The following CFAP61 variants were observed in gnomAD, a reference collection of about 807,000 sequenced individuals.
CFAP61 encodes the protein cilia- and flagella-associated protein 61.
In CFAP61, 107 loss-of-function variants were observed where a neutral mutation model predicts 135.6. The ratio of observed to expected loss-of-function variants is 0.79; its 90% CI spans 0.67 to 0.93. The LOEUF is 0.93. CFAP61 is among the 40% of genes least tolerant of loss of function. The pLI is 0.00. For missense variants in CFAP61, 1,507 were observed against 1,556.2 expected (o/e 0.97, Z 0.53); for synonymous variants, 575 against 578.5 (o/e 0.99, Z 0.09).
intron 25 of CFAP61, among the ~76,000 whole-genome samples, chr20:20,303,029 T>C (rs1377106508): frequency 6.6e-6 from 1 of 152,228 alleles, no homozygotes; most frequent in Non-Finnish European, 1.5e-5. Flanking sequence ...TTTTAAATAA[T>C]GAAAACTGCA....
At chr20:20,241,847 G>A (rs960754354) in intron 18 of CFAP61, among the ~76,000 whole-genome samples, 12 of 152,214 alleles carry the variant, frequency 7.9e-5, no homozygotes, top group African/African-American at 2.2e-4. Context: ...CAAGTAATCA[G>A]TGTGTACTTG....
intron 15 of CFAP61, among the ~76,000 whole-genome samples, chr20:20,192,517 C>G (rs2146877793): frequency 6.6e-6 from 1 of 152,198 alleles, no homozygotes; most frequent in African/African-American, 2.4e-5. Context: ...TTCAAGGCAG[C>G]CTCTTCATGA....
chr20:20,324,252 A>G (rs1050142158), intron 25 of CFAP61, among the ~76,000 whole-genome samples: 18 of 152,172 alleles, frequency 1.2e-4, no homozygotes, highest in African/African-American at 4.3e-4. Context: ...CTGTTAAAAA[A>G]AAATTACCAC....
At chr20:20,189,015 C>G (rs2055715214) in intron 14 of CFAP61, among the ~76,000 whole-genome samples, 1 of 152,152 alleles carries the variant, frequency 6.6e-6, no homozygotes, top group South Asian at 2.1e-4. Context: ...TAAGAGTCAT[C>G]CATATTATAG....
intron 17 of CFAP61, among the ~76,000 whole-genome samples, chr20:20,207,661 C>T (rs2146908664): frequency 6.6e-6 from 1 of 152,280 alleles, no homozygotes; most frequent in Middle Eastern, 3.4e-3. Flanking sequence ...ACAAAGAGGA[C>T]AATTAGAGCT....
rs376440802 is a variant in CFAP61 at position 20,298,428 on chromosome 20, T to G, written c.3422+42T>G. The stretch of plus-strand genomic sequence containing the variant: ...ATTTGACTACAGGGAAATACAAATA[T>G]ATATATAATGTCTGTGAATGAGGGA... On this transcript the variant is annotated intron_variant, in intron 25 of 26. Coordinates refer to ENST00000245957, the MANE Select transcript of CFAP61 (RefSeq NM_015585.4). The G allele has an allele frequency of 3.2e-5, 49 of 1,518,832 alleles. No individual in the cohort carries two copies. In the Middle Eastern group the frequency reaches 1.2e-3, roughly 37 times the overall value. The allele number at this position is 1,518,832 out of a possible 1,614,324, so 94.1% of individuals were successfully genotyped here.
At chr20:20,157,232 G>C (rs900606994) in intron 9 of CFAP61, among the ~76,000 whole-genome samples, 8 of 152,054 alleles carry the variant, frequency 5.3e-5, no homozygotes, top group Non-Finnish European at 7.4e-5. Flanking sequence ...ACCACACCTA[G>C]ATTTTTTTGT....
intron 24 of CFAP61, among the ~76,000 whole-genome samples, chr20:20,297,219 T>G (rs975716557): frequency 6.6e-6 from 1 of 152,236 alleles, no homozygotes; most frequent in Non-Finnish European, 1.5e-5. Flanking sequence ...TCCTTTTGTT[T>G]AGACAAAATC....
intron 13 of CFAP61, among the ~76,000 whole-genome samples, chr20:20,185,355 A>T (rs1459953235): frequency 1.3e-5 from 2 of 152,214 alleles, no homozygotes; most frequent in African/African-American, 4.8e-5. Flanking sequence ...GTGGAGAGAC[A>T]CTAGTATGCT....
chr20:20,320,909 T>G (rs1184462735), intron 25 of CFAP61, among the ~76,000 whole-genome samples: 1 of 151,624 alleles, frequency 6.6e-6, no homozygotes, highest in East Asian at 1.9e-4. Context: ...CTGGACACAA[T>G]TAATTACTTG....
rs553278127 is a variant in CFAP61 at position 20,138,771 on chromosome 20, T to C, written c.860-4086T>C. Among the ~76,000 whole-genome samples, 5 of 152,368 alleles carry C rather than the reference T, an allele frequency of 3.3e-5. No homozygotes were observed. In the East Asian group the frequency reaches 5.8e-4, roughly 18 times the overall value. ...GAGGATGATTGGTGGAAGCTTCTAT[T>C]TGATCATTTTGCTTCACTTCCTCTA... On this transcript the variant is annotated intron_variant, in intron 8 of 26. Coordinates refer to ENST00000245957, the MANE Select transcript of CFAP61 (RefSeq NM_015585.4).
chr20:20,075,110 C>A, intron 4 of CFAP61, 79 bp from the exon 5 acceptor site: 2 of 1,316,924 alleles, frequency 1.5e-6, no homozygotes, highest in Non-Finnish European at 2.2e-6. Context: ...TTTTTAGTGA[C>A]AGCATTTGTC....
intron 22 of CFAP61, among the ~76,000 whole-genome samples, chr20:20,281,755 C>T (rs888093783): frequency 4.6e-5 from 7 of 152,114 alleles, no homozygotes; most frequent in African/African-American, 7.2e-5. Context: ...TTTTGGTGTT[C>T]GAGCTGTGTT....
At chr20:20,085,500 A>C (rs369642550) in intron 6 of CFAP61, 6 of 1,366,530 alleles carry the variant, frequency 4.4e-6, no homozygotes, top group Non-Finnish European at 5.9e-6. Flanking sequence ...CAAGATTTGG[A>C]TGTTTTTCTA....
intron 11 of CFAP61, among the ~76,000 whole-genome samples, chr20:20,166,066 A>G (rs944940078): frequency 6.6e-6 from 1 of 152,234 alleles, no homozygotes; most frequent in Non-Finnish European, 1.5e-5. Context: ...ACAGATCAGA[A>G]GCAACCTATA....
At chr20:20,186,940 T>C (rs908568969) in intron 13 of CFAP61, among the ~76,000 whole-genome samples, 4 of 152,178 alleles carry the variant, frequency 2.6e-5, no homozygotes, top group African/African-American at 9.7e-5. Context: ...AATGTGAGGC[T>C]CTGGCCTGGT....
chr20:20,153,753 G>A (rs1287390018), intron 9 of CFAP61, among the ~76,000 whole-genome samples: 1 of 152,068 alleles, frequency 6.6e-6, no homozygotes, highest in Non-Finnish European at 1.5e-5. Context: ...AGGACCAGAT[G>A]AATTCACAGC....
Position 20,288,921 on chromosome 20 carries a change from G to A in CFAP61, c.3109G>A (p.Gly1037Arg). 1.2e-6 allele frequency: 2 copies of A among 1,607,596 alleles called. No homozygotes were observed. The highest frequency in any genetic ancestry group is 1.1e-5 in the South Asian group (1 of 90,932). The change falls in exon 23 of 27, where the codon GGA becomes AGA. Residue 1037 changes from glycine to arginine, a missense_variant. Transcript: ENST00000245957. Reference protein sequence around the residue: ...NLDRLIPMYKGAKIQGGILPG... With the variant: ...NLDRLIPMYKRAKIQGGILPG... ...TGACCGGCTCATCCCCATGTACAAGGGAGCCAAGATTCAAGGTATACGAGT... is the reference window on the plus strand; with the variant it reads ...TGACCGGCTCATCCCCATGTACAAGAGAGCCAAGATTCAAGGTATACGAGT...
chr20:20,317,829 A>G (rs1324277600), intron 25 of CFAP61, among the ~76,000 whole-genome samples: 2 of 152,196 alleles, frequency 1.3e-5, no homozygotes, highest in African/African-American at 4.8e-5. Context: ...AATCCAAGTG[A>G]AATAGGAAAG....
Sources: gnomAD v4.1 joint callset for allele counts (sites outside exome capture counted in the v4.1 genomes callset) on GRCh38, gnomAD v4.1.1 for gene constraint, MANE v1.5 for transcripts, NCBI Gene and HGNC (gene_info 2026-07-23, HGNC 2026-07-21) for gene names.